Variants in EPHA3 observed in about 807,000 individuals in gnomAD.
EPHA3 encodes the protein ephrin type-A receptor 3.
EPHA3 carries 42 observed loss-of-function variants against 107.1 expected under a neutral mutation model. That is an observed-to-expected ratio of 0.39 (90% CI 0.31 to 0.51). The LOEUF is 0.51. Among genes scored for constraint, EPHA3 ranks in the 20% least tolerant of loss-of-function variants. EPHA3 has a pLI of 0.78. For missense variants in EPHA3, 1,183 were observed against 1,211.2 expected (o/e 0.98, Z 0.35); for synonymous variants, 461 against 424.8 (o/e 1.09, Z -1.05).
chr3:89,447,217 C>T (rs139342436), intron 13 of EPHA3, among the ~76,000 whole-genome samples: 41 of 152,312 alleles, frequency 2.7e-4, no homozygotes, highest in African/African-American at 9.1e-4. Context: ...GCTATCTTTT[C>T]TCTGGCTCCG....
At chr3:89,202,410 G>A (rs868134198) in intron 2 of EPHA3, among the ~76,000 whole-genome samples, 3 of 150,624 alleles carry the variant, frequency 2.0e-5, no homozygotes, top group Admixed American at 6.6e-5. Flanking sequence ...CAGCTACTCC[G>A]GTGACTGAGG....
chr3:89,267,635 GCT>G, intron 3 of EPHA3, among the ~76,000 whole-genome samples: 1 of 152,194 alleles, frequency 6.6e-6, no homozygotes, highest in South Asian at 2.1e-4. Flanking sequence ...AGGAAATATT[GCT>G]GTTTAGCTAT....
chr3:89,366,312 A>C (rs1218218689), intron 5 of EPHA3, among the ~76,000 whole-genome samples: 1 of 150,396 alleles, frequency 6.6e-6, no homozygotes, highest in Non-Finnish European at 1.5e-5. Flanking sequence ...ATAAAGGAGC[A>C]AGGGGGGAGT....
intron 2 of EPHA3, among the ~76,000 whole-genome samples, chr3:89,178,086 G>T (rs1480071732): frequency 6.6e-6 from 1 of 152,052 alleles, no homozygotes; most frequent in Admixed American, 6.6e-5. Context: ...TTCTACCACT[G>T]AAATTTTTAT....
intron 2 of EPHA3, among the ~76,000 whole-genome samples, chr3:89,190,169 T>C (rs985905646): frequency 6.6e-6 from 1 of 152,164 alleles, no homozygotes. Context: ...GGCCACACTT[T>C]CCTTTACTTA....
intron 1 of EPHA3, among the ~76,000 whole-genome samples, chr3:89,110,659 G>T (rs1576155216): frequency 1.3e-5 from 2 of 152,024 alleles, no homozygotes; most frequent in South Asian, 2.1e-4. Context: ...CTTAAGAAAA[G>T]ACTTTTAATG....
chr3:89,147,195 T>C (rs1284966617), intron 2 of EPHA3, among the ~76,000 whole-genome samples: 1 of 150,224 alleles, frequency 6.7e-6, no homozygotes, highest in Non-Finnish European at 1.5e-5. Context: ...GGGGTGGGGG[T>C]AAGGGAAGGC....
intron 2 of EPHA3, among the ~76,000 whole-genome samples, chr3:89,164,355 C>T (rs561246233): frequency 6.6e-6 from 1 of 152,224 alleles, no homozygotes; most frequent in Non-Finnish European, 1.5e-5. Flanking sequence ...GGGCCGCATG[C>T]GGCCCACTGG....
At chr3:89,437,775 T>G (rs996523016) in intron 13 of EPHA3, among the ~76,000 whole-genome samples, 1 of 152,166 alleles carries the variant, frequency 6.6e-6, no homozygotes, top group Non-Finnish European at 1.5e-5. Flanking sequence ...AGCACAGACT[T>G]TTATCTTATT....
At chr3:89,339,600 T>C (rs1344079931) in intron 3 of EPHA3, among the ~76,000 whole-genome samples, 1 of 152,190 alleles carries the variant, frequency 6.6e-6, no homozygotes, top group Non-Finnish European at 1.5e-5. Context: ...TTCCCTTGTC[T>C]TATTTTAAGA....
intron 2 of EPHA3, among the ~76,000 whole-genome samples, chr3:89,176,312 C>T (rs1419598378): frequency 1.3e-5 from 2 of 151,662 alleles, no homozygotes; most frequent in Non-Finnish European, 1.5e-5. Context: ...AGTGAAACCC[C>T]GTCTTTACTA....
In EPHA3 at chr3:89,419,423, G is replaced by A. The variant is rs370010957; in HGVS notation, c.2074+33G>A. ...AAGTAGTCATAAGACCTGTGTTTCC[G>A]TATGTTGAGCAAAGGTTGTTTAAAC... On this transcript the variant is annotated intron_variant, in intron 11 of 16. Transcript: ENST00000336596. 4.7e-5 allele frequency: 71 copies of A among 1,515,090 alleles called. No homozygotes were observed. The Middle Eastern group carries it at 8.9e-4, about 19-fold the overall frequency. The allele number at this position is 1,515,090 out of a possible 1,614,324, so 93.9% of individuals were successfully genotyped here.
At chr3:89,260,256 G>A (rs11916939) in intron 3 of EPHA3, among the ~76,000 whole-genome samples, 36,708 of 152,076 alleles carry the variant, frequency 0.24, 4,865 homozygotes, top group African/African-American at 0.37. Context: ...GAACCTCCAT[G>A]CTCTTTTCCA....
chr3:89,470,510 C>T (rs1034494218), intron 15 of EPHA3, among the ~76,000 whole-genome samples: 7 of 152,184 alleles, frequency 4.6e-5, no homozygotes, highest in Admixed American at 3.3e-4. Context: ...TTGATATCCT[C>T]ACCATCATCC....
At chr3:89,198,754 T>C (rs1365546894) in intron 2 of EPHA3, among the ~76,000 whole-genome samples, 1 of 152,224 alleles carries the variant, frequency 6.6e-6, no homozygotes, top group Non-Finnish European at 1.5e-5. Flanking sequence ...AGGTATATTG[T>C]AAATTGCTAT....
At chr3:89,374,955 G>T (rs1275569147) in intron 5 of EPHA3, among the ~76,000 whole-genome samples, 1 of 151,698 alleles carries the variant, frequency 6.6e-6, no homozygotes, top group Non-Finnish European at 1.5e-5. Context: ...AGCAACTGTA[G>T]GTCCTGTTAA....
chr3:89,290,657 A>T (rs1416642766), intron 3 of EPHA3, among the ~76,000 whole-genome samples: 4 of 152,172 alleles, frequency 2.6e-5, no homozygotes, highest in African/African-American at 9.6e-5. Flanking sequence ...ATATCTATAA[A>T]TAAGGATCAC....
At chr3:89,473,427 G>C (rs1710445538) in intron 16 of EPHA3, among the ~76,000 whole-genome samples, 1 of 152,086 alleles carries the variant, frequency 6.6e-6, no homozygotes, top group Admixed American at 6.5e-5. Flanking sequence ...TCAAAAATTT[G>C]GTTCTTATTC....
At chr3:89,209,161 A>G (rs944270702) in intron 2 of EPHA3, among the ~76,000 whole-genome samples, 2 of 152,104 alleles carry the variant, frequency 1.3e-5, no homozygotes, top group African/African-American at 2.4e-5. Context: ...CCAAATATCT[A>G]TCTATTTCTT....
Sources: allele counts gnomAD v4.1 joint callset (sites outside exome capture counted in the v4.1 genomes callset), GRCh38; gene constraint gnomAD v4.1.1; transcripts MANE v1.5; gene names NCBI Gene and HGNC (gene_info 2026-07-23, HGNC 2026-07-21).